BLK: variants seen among roughly 807,000 people sequenced by gnomAD.
The protein encoded by BLK is tyrosine-protein kinase Blk.
In BLK, 64 loss-of-function variants were observed where a neutral mutation model predicts 61.8. The ratio of observed to expected loss-of-function variants is 1.03; its 90% confidence interval spans 0.85 to 1.27. BLK has a LOEUF of 1.27. Among genes scored for constraint, BLK ranks in the 50% most tolerant of loss-of-function variants. The probability of loss-of-function intolerance (pLI) is 0.00; values close to 1 mark genes in which losing one functional copy is unlikely to be tolerated. For synonymous variants in BLK, 351 were observed against 272.0 expected, an observed-to-expected ratio of 1.29 and a Z score of -2.86; for missense variants, 853 against 660.5, an observed-to-expected ratio of 1.29 and a Z score of -3.19.
intron 1 of BLK, among the ~76,000 whole-genome samples, chr8:11,536,549 A>C (rs1800141190): frequency 6.6e-6 from 1 of 151,738 alleles, no homozygotes; most frequent in Admixed American, 6.6e-5. Context: ...CGCCTGGCTA[A>C]TTTTTATAGG....
At chr8:11,496,413 T>A (rs1798360119) in intron 1 of BLK, among the ~76,000 whole-genome samples, 1 of 152,138 alleles carries the variant, frequency 6.6e-6, no homozygotes, top group South Asian at 2.1e-4. Context: ...AATTTTTTAA[T>A]CTTATTTTTT....
intron 1 of BLK, among the ~76,000 whole-genome samples, chr8:11,503,856 C>T (rs564535030): frequency 6.6e-6 from 1 of 152,272 alleles, no homozygotes; most frequent in East Asian, 1.9e-4. Flanking sequence ...TGGTCAAGTG[C>T]ATCTTTCCAG....
rs987330350 is a variant in BLK at position 11,549,993 on chromosome 8, G to T, written c.369-166G>T. 3.8e-5 allele frequency: 26 copies of T among 690,126 alleles called. No homozygotes were observed. The African/African-American group carries it at 3.9e-4, about 10-fold the overall frequency. The allele number at this position is 690,126 out of a possible 1,614,324, so 42.8% of individuals were successfully genotyped here. A position where few individuals can be genotyped will look rare whatever the true frequency, so the allele number is the denominator to read the frequency against. On this transcript the variant is annotated intron_variant, in intron 5 of 12. Coordinates refer to ENST00000259089, the MANE Select transcript of BLK (RefSeq NM_001715.3). ...GAACTGGAAGGGCAGCGGGGCAGAG[G>T]GCACTGACTCCATCACGGTGTGAGG...
At chr8:11,529,347 A>G (rs1323033847) in intron 1 of BLK, among the ~76,000 whole-genome samples, 1 of 152,128 alleles carries the variant, frequency 6.6e-6, no homozygotes, top group Non-Finnish European at 1.5e-5. Context: ...TGGGTGGAGG[A>G]AGCCAGTGAG....
rs547314190 is a variant in BLK, at chr8:11,516,275, A to G, written c.-2+21684A>G. The stretch of plus-strand genomic sequence containing the variant: ...TGACGTCTTTCTCACTGACAGCCAC[A>G]GTAACAAAGAACAGAAAGCCCGACA... On this transcript the variant is annotated intron_variant, in intron 1 of 12. Coordinates refer to ENST00000259089, the MANE Select transcript of BLK (RefSeq NM_001715.3). 3.3e-5 allele frequency among the ~76,000 whole-genome samples: 5 copies of G among 152,348 alleles called. No homozygotes were observed. The East Asian group carries it at 9.6e-4, about 29-fold the overall frequency.
chr8:11,551,858 G>T (rs1232093872), intron 6 of BLK, among the ~76,000 whole-genome samples: 7 of 152,176 alleles, frequency 4.6e-5, no homozygotes, highest in Non-Finnish European at 2.9e-5. Context: ...AAGCATCAGA[G>T]CCCAAAGCAC....
At position 11,549,935 on chromosome 8, in the gene BLK, G is replaced by A. The variant is rs529669492; in HGVS notation, c.369-224G>A. 13 of 582,916 alleles carry A rather than the reference G, an allele frequency of 2.2e-5. 1 individual carries two copies. In the South Asian group the frequency reaches 2.5e-4, roughly 11 times the overall value. The allele number at this position is 582,916 out of a possible 1,614,324, so 36.1% of individuals were successfully genotyped here. On this transcript the variant is annotated intron_variant, in intron 5 of 12. Coordinates refer to ENST00000259089, the MANE Select transcript of BLK (RefSeq NM_001715.3). ...CAACTAGTGTTCTTGTTTCGTTCTA[G>A]GAAAACAGTGAGTCCAGGGCTGACA... is the stretch of plus-strand genomic sequence containing the variant.
chr8:11,505,607 CT>C (rs1798742283), intron 1 of BLK, among the ~76,000 whole-genome samples: 1 of 152,224 alleles, frequency 6.6e-6, no homozygotes, highest in Non-Finnish European at 1.5e-5. Context: ...ATCCTTGGAG[CT>C]CATTTCTCTG....
chr8:11,521,780 T>A (rs1185738360), intron 1 of BLK, among the ~76,000 whole-genome samples: 2 of 152,222 alleles, frequency 1.3e-5, no homozygotes, highest in Non-Finnish European at 2.9e-5. Flanking sequence ...CACTTCCTGT[T>A]CTATTTTTAC....
chr8:11,513,769 C>T (rs550552228), intron 1 of BLK, among the ~76,000 whole-genome samples: 5 of 152,240 alleles, frequency 3.3e-5, no homozygotes, highest in South Asian at 4.1e-4. Flanking sequence ...AGGTTGTGGA[C>T]GTTTATTGAA....
chr8:11,518,768 C>A lies in BLK; in HGVS notation c.-2+24177C>A, dbSNP rs566690116. Among the ~76,000 whole-genome samples the A allele has an allele frequency of 3.3e-5, 5 of 152,168 alleles. 1 individual carries two copies. In the South Asian group the frequency reaches 1.0e-3, roughly 32 times the overall value. On this transcript the variant is annotated intron_variant, in intron 1 of 12. Transcript: ENST00000259089. ...AACCCTTCCCCAGCTGGTCTCTGGG[C>A]CCTGCCCTCCTCTCACCATCCCTGG...
chr8:11,524,988 A>G (rs76767002), intron 1 of BLK, among the ~76,000 whole-genome samples: 3,027 of 151,336 alleles, frequency 0.02, 94 homozygotes, highest in African/African-American at 0.069. Flanking sequence ...GGATGATGGC[A>G]TTGGAGTTAA....
intron 1 of BLK, among the ~76,000 whole-genome samples, chr8:11,541,083 T>C (rs1800357482): frequency 6.6e-6 from 1 of 152,104 alleles, no homozygotes; most frequent in Admixed American, 6.5e-5. Flanking sequence ...CTGCATGACA[T>C]GGCAAAACCC....
chr8:11,564,524 C>G lies in BLK; in HGVS notation c.*416C>G, dbSNP rs369814735. The G allele has an allele frequency of 2.0e-5, 10 of 488,152 alleles. No individual in the cohort carries two copies. The highest frequency in any genetic ancestry group is 1.2e-4 in the East Asian group (2 of 16,988). The allele number at this position is 488,152 out of a possible 1,614,324, so 30.2% of individuals were successfully genotyped here. On this transcript the variant is annotated 3_prime_UTR_variant, in exon 13 of 13. Coordinates refer to ENST00000259089, the MANE Select transcript of BLK (RefSeq NM_001715.3). Reference sequence around the variant, plus strand: ...GAAGCCAGACTGGGTCCCGCGGACGCCAGCAGGGGCAGCCCCAGCCTAGGC... The same window carrying G: ...GAAGCCAGACTGGGTCCCGCGGACGGCAGCAGGGGCAGCCCCAGCCTAGGC...
At chr8:11,518,340 T>C (rs1006770746) in intron 1 of BLK, among the ~76,000 whole-genome samples, 1 of 152,184 alleles carries the variant, frequency 6.6e-6, no homozygotes. Context: ...GTTTTTGCAA[T>C]GCATTCACTT....
intron 1 of BLK, among the ~76,000 whole-genome samples, chr8:11,510,591 A>C (rs1444216720): frequency 6.6e-6 from 1 of 152,072 alleles, no homozygotes; most frequent in Non-Finnish European, 1.5e-5. Context: ...GGCCCCAAAA[A>C]TGTTTTTTAA....
At position 11,564,255 on chromosome 8, in the gene BLK, G is replaced by T; in HGVS notation, c.*147G>T. 2 of 1,003,774 alleles carry T rather than the reference G, an allele frequency of 2.0e-6. No individual in the cohort carries two copies. The highest frequency in any genetic ancestry group is 1.4e-5 in the South Asian group (1 of 71,774). The allele number at this position is 1,003,774 out of a possible 1,614,324, so 62.2% of individuals were successfully genotyped here. A position where few individuals can be genotyped will look rare whatever the true frequency, so the allele number is the denominator to read the frequency against. On this transcript the variant is annotated 3_prime_UTR_variant, in exon 13 of 13. Coordinates refer to ENST00000259089, the MANE Select transcript of BLK (RefSeq NM_001715.3). Reference sequence around the variant, plus strand: ...AGTGGGCAGAGGCAGCTTCGCAGGGGGTCCCCGGACGGACTCCTTCACCGA... The same window carrying T: ...AGTGGGCAGAGGCAGCTTCGCAGGGTGTCCCCGGACGGACTCCTTCACCGA...
chr8:11,502,599 T>C (rs1221406688), intron 1 of BLK, among the ~76,000 whole-genome samples: 2 of 152,222 alleles, frequency 1.3e-5, no homozygotes, highest in East Asian at 1.9e-4. Context: ...GTATAGTTTT[T>C]ATACCTTAAT....
At chr8:11,502,112 C>A (rs1331765884) in intron 1 of BLK, among the ~76,000 whole-genome samples, 1 of 152,110 alleles carries the variant, frequency 6.6e-6, no homozygotes, top group Non-Finnish European at 1.5e-5. Flanking sequence ...AGTACTTCCG[C>A]CTTATAGACA....
Sources: allele counts gnomAD v4.1 joint callset (sites outside exome capture counted in the v4.1 genomes callset), GRCh38; gene constraint gnomAD v4.1.1; transcripts MANE v1.5; gene names NCBI Gene and HGNC (gene_info 2026-07-23, HGNC 2026-07-21).